AHDC1: variants seen among roughly 807,000 people sequenced by gnomAD.
AHDC1 encodes AT-hook DNA binding motif containing 1, also known as transcription factor Gibbin.
Under a neutral mutation model 87.9 loss-of-function variants are expected in AHDC1, and 7 were observed. The observed-to-expected ratio is 0.08, with a 90% CI of 0.05 to 0.15. AHDC1 has a LOEUF of 0.15. AHDC1 is among the 10% of genes least tolerant of loss of function. AHDC1 has a pLI of 1.00. For synonymous variants in AHDC1, 1,051 were observed against 1,006.8 expected (o/e 1.04, Z -0.83); for missense variants, 1,841 against 2,253.2 (o/e 0.82, Z 3.70).
chr1:27,548,994 G>C lies in AHDC1; in HGVS notation c.3122C>G (p.Ser1041Cys), dbSNP rs751351959. 18 of 1,571,510 alleles carry C rather than the reference G, an allele frequency of 1.1e-5. No homozygotes were observed. Among genetic ancestry groups the C allele is most frequent in the Non-Finnish European group, 1.5e-5 (17 of 1,157,604 alleles). ...TGAACCAGAGAAGGGGGCCCCCTCA[G>C]AGCTGCTGAAGAAGGAGGCCTTGCT... ...PPSKASFFSSSEGAPFSGSAP... is the reference protein window; with the variant it reads ...PPSKASFFSSCEGAPFSGSAP... Residue 1041 changes from serine to cysteine, a missense_variant, in exon 8 of 9, where the codon TCT becomes TGT. By Grantham distance (112) the Ser-to-Cys change is moderately radical. Around this residue, in one of 13 missense-constraint regions of AHDC1, gnomAD observed 378 missense variants for 399.0 expected, o/e 0.95. Transcript: ENST00000673934.
Position 27,551,606 on chromosome 1 carries a change from TGAG to T in AHDC1, c.507_509del (p.Ser170del), listed in dbSNP as rs747342072. 2.5e-6 allele frequency: 4 copies of T among 1,611,282 alleles called. No individual in the cohort carries two copies. Among genetic ancestry groups the T allele is most frequent in the Non-Finnish European group, 2.5e-6 (3 of 1,177,976 alleles). On this transcript the variant is annotated inframe_deletion, in exon 8 of 9. Transcript: ENST00000673934. ...TACGGATGCTGTTGGCCAAACTGGG[TGAG>T]GAGAAGAAGCTGTACTGTAGGTCGC...
chr1:27,538,022 T>C (rs1301891366), intron 8 of AHDC1, among the ~76,000 whole-genome samples: 4 of 152,226 alleles, frequency 2.6e-5, no homozygotes, highest in Non-Finnish European at 4.4e-5. Context: ...TGCCAGGGCA[T>C]GAGTTAAGGT....
At chr1:27,538,790 C>T (rs1013298357) in intron 8 of AHDC1, among the ~76,000 whole-genome samples, 1 of 152,128 alleles carries the variant, frequency 6.6e-6, no homozygotes, top group African/African-American at 2.4e-5. Flanking sequence ...GCTGGGATTA[C>T]AGGTGTGAGC....
chr1:27,538,202 G>T (rs1013236524), intron 8 of AHDC1, among the ~76,000 whole-genome samples: 3 of 151,914 alleles, frequency 2.0e-5, no homozygotes, highest in African/African-American at 4.8e-5. Flanking sequence ...AGGAGCTCAA[G>T]ACCAGTCTGG....
At chr1:27,580,285 C>G (rs2088868502) in intron 3 of AHDC1, among the ~76,000 whole-genome samples, 1 of 152,188 alleles carries the variant, frequency 6.6e-6, no homozygotes, top group African/African-American at 2.4e-5. Context: ...GGTCACTTAG[C>G]TGGGGGTCAT....
chr1:27,576,377 G>A (rs1266386722), intron 3 of AHDC1, among the ~76,000 whole-genome samples: 2 of 152,176 alleles, frequency 1.3e-5, no homozygotes, highest in Admixed American at 1.3e-4. Flanking sequence ...CCGGACATCT[G>A]AACAATGCGT....
At chr1:27,538,999 C>T (rs1025367768) in intron 8 of AHDC1, among the ~76,000 whole-genome samples, 9 of 152,160 alleles carry the variant, frequency 5.9e-5, no homozygotes, top group Admixed American at 2.6e-4. Context: ...GATACTGCTT[C>T]CTGGGGGCTC....
intron 3 of AHDC1, among the ~76,000 whole-genome samples, chr1:27,574,486 G>A (rs775540609): frequency 1.3e-5 from 2 of 152,204 alleles, no homozygotes; most frequent in African/African-American, 2.4e-5. Flanking sequence ...TTTTTCACGT[G>A]AGGAAAGGGA....
chr1:27,592,574 TC>T (rs1214895030), intron 3 of AHDC1, among the ~76,000 whole-genome samples: 10 of 65,238 alleles, frequency 1.5e-4, no homozygotes, highest in South Asian at 6.2e-4. Context: ...TCCCCCGCCC[TC>T]CCCCCCCCAG....
rs2148353560 is a variant in AHDC1 at position 27,563,024 on chromosome 1, T to C, written c.-628-4141A>G. 6.6e-6 allele frequency among the ~76,000 whole-genome samples: 1 copy of C among 152,228 alleles called. No individual in the cohort carries two copies. The highest frequency in any genetic ancestry group is 1.9e-4 in the East Asian group (1 of 5,176). ...CCCTCGACAGCATGGGGCAGGCGTC[T>C]GTTACCCCTCACAGTGGCATAACTG... On this transcript the variant is annotated intron_variant, in intron 3 of 8. Coordinates refer to ENST00000673934, the MANE Select transcript of AHDC1 (RefSeq NM_001371928.1). The surrounding 1 kb of genome is among the most constrained non-coding windows in gnomAD (Gnocchi z 6.1).
intron 3 of AHDC1, among the ~76,000 whole-genome samples, chr1:27,583,877 T>C (rs1273104253): frequency 6.6e-6 from 1 of 152,134 alleles, no homozygotes; most frequent in African/African-American, 2.4e-5. Flanking sequence ...ATCTTATCAT[T>C]TCACTTATCT....
intron 8 of AHDC1, among the ~76,000 whole-genome samples, chr1:27,543,025 G>A (rs536989104): frequency 2.6e-5 from 4 of 152,308 alleles, no homozygotes; most frequent in South Asian, 2.1e-4. Flanking sequence ...TTCAAGACAC[G>A]AAGAGACAAA....
chr1:27,580,526 C>G (rs923245605), intron 3 of AHDC1, among the ~76,000 whole-genome samples: 2 of 152,206 alleles, frequency 1.3e-5, no homozygotes, highest in South Asian at 2.1e-4. Context: ...TCCTAGAATC[C>G]TTGGCTAACC....
rs766911404 is a variant in AHDC1 at position 27,551,001 on chromosome 1, C to T, written c.1115G>A (p.Gly372Asp). The change falls in exon 8 of 9, where the codon GGC becomes GAC. Residue 372 changes from glycine to aspartate, a missense_variant. By Grantham distance (94) the Gly-to-Asp change is moderately conservative. Coordinates refer to ENST00000673934, the MANE Select transcript of AHDC1 (RefSeq NM_001371928.1). ...GGGGTGACCCTCAGGCCCGGGGGGG[C>T]CGTGCGGTGAGCACAAGTCCAGGCG... ...PLRLDLCSPHGPPGPEGHPKY... is the reference protein window; with the variant it reads ...PLRLDLCSPHDPPGPEGHPKY... The T allele has an allele frequency of 6.4e-7, 1 of 1,572,788 alleles. No individual in the cohort carries two copies. The highest frequency in any genetic ancestry group is 8.6e-7 in the Non-Finnish European group (1 of 1,166,192).
intron 8 of AHDC1, among the ~76,000 whole-genome samples, chr1:27,537,417 T>G (rs1237968400): frequency 6.6e-6 from 1 of 152,134 alleles, no homozygotes; most frequent in Non-Finnish European, 1.5e-5. Context: ...GCTAACCTGG[T>G]CGTGGCAGGA....
chr1:27,539,944 G>C (rs2018830259), intron 8 of AHDC1, among the ~76,000 whole-genome samples: 1 of 152,008 alleles, frequency 6.6e-6, no homozygotes, highest in Non-Finnish European at 1.5e-5. Flanking sequence ...CCTGGGAGGA[G>C]GCTAGCCTCA....
chr1:27,600,181 GC>G (rs904186948), intron 3 of AHDC1, among the ~76,000 whole-genome samples: 1 of 151,502 alleles, frequency 6.6e-6, no homozygotes, highest in Non-Finnish European at 1.5e-5. Context: ...TCGCTCCCCC[GC>G]CCCCCTCCCT....
chr1:27,591,859 AGGCCT>A (rs528054792), intron 3 of AHDC1, among the ~76,000 whole-genome samples: 82 of 152,322 alleles, frequency 5.4e-4, no homozygotes, highest in African/African-American at 1.7e-3. Flanking sequence ...ATGCATGCAA[AGGCCT>A]TGGCACAGTG....
rs1446323343 is a variant in AHDC1, at chr1:27,534,618, C to T, written c.*342G>A. 2.0e-5 allele frequency: 3 copies of T among 151,640 alleles called. No homozygotes were observed. Among genetic ancestry groups the T allele is most frequent in the Non-Finnish European group, 4.4e-5 (3 of 67,922 alleles). 9.4% of individuals were successfully genotyped at this position (151,640 alleles called of 1,614,324 possible). A position where few individuals can be genotyped will look rare whatever the true frequency, so the allele number is the denominator to read the frequency against. Reference sequence around the variant, plus strand: ...GCTCTGGACACCTCGGGGCCCCGCTCGCAACCTCTTGCACACGCTCGCTCT... The same window carrying T: ...GCTCTGGACACCTCGGGGCCCCGCTTGCAACCTCTTGCACACGCTCGCTCT... On this transcript the variant is annotated 3_prime_UTR_variant, in exon 9 of 9. Coordinates refer to ENST00000673934, the MANE Select transcript of AHDC1 (RefSeq NM_001371928.1).
Sources: allele counts gnomAD v4.1 joint callset (sites outside exome capture counted in the v4.1 genomes callset), GRCh38; gene constraint gnomAD v4.1.1; regional missense constraint gnomAD v4.1.1; non-coding constraint Gnocchi (gnomAD v3.1); transcripts MANE v1.5; gene names NCBI Gene and HGNC (gene_info 2026-07-23, HGNC 2026-07-21).